The following GDPGP1 variants were observed in gnomAD, a reference collection of about 807,000 sequenced individuals.
The protein encoded by GDPGP1 is GDP-D-glucose phosphorylase 1.
In GDPGP1, 18 loss-of-function variants were observed where a neutral mutation model predicts 19.2. The ratio of observed to expected loss-of-function variants is 0.94; its 90% confidence interval spans 0.65 to 1.39. GDPGP1 has a LOEUF of 1.39. Ranked by LOEUF, GDPGP1 falls within the 40% of genes most tolerant of loss-of-function variation. GDPGP1 has a pLI of 0.00. For missense variants in GDPGP1, 449 were observed against 490.5 expected (o/e 0.92, Z 0.80); for synonymous variants, 219 against 208.9 (o/e 1.05, Z -0.42).
chr15:90,240,174 G>A (rs1195454475), intron 3 of GDPGP1, among the ~76,000 whole-genome samples: 1 of 151,806 alleles, frequency 6.6e-6, no homozygotes, highest in Admixed American at 6.6e-5. Flanking sequence ...AGTGAGCCAA[G>A]ATAGCGCCAT....
chr15:90,234,697 C>T (rs1223909185), intron 2 of GDPGP1, 101 bp downstream of exon 2: 1 of 152,246 alleles, frequency 6.6e-6, no homozygotes, highest in Non-Finnish European at 1.5e-5. Flanking sequence ...CAGTCCAAGG[C>T]ACTTTTAAAG....
intron 2 of GDPGP1, among the ~76,000 whole-genome samples, chr15:90,237,125 A>AT (rs1163713613): frequency 1.3e-5 from 2 of 149,024 alleles, no homozygotes; most frequent in South Asian, 2.1e-4. Context: ...CACCTGGCTA[A>AT]TTTTTTTGTA....
intron 2 of GDPGP1, among the ~76,000 whole-genome samples, chr15:90,237,622 T>C (rs1290257154): frequency 6.6e-6 from 1 of 152,208 alleles, no homozygotes; most frequent in Admixed American, 6.6e-5. Context: ...CTTTTCTTAT[T>C]GATTAATGAC....
intron 2 of GDPGP1, among the ~76,000 whole-genome samples, chr15:90,235,232 G>C (rs1371570268): frequency 6.6e-6 from 1 of 152,126 alleles, no homozygotes; most frequent in Non-Finnish European, 1.5e-5. Flanking sequence ...GCATGTGTTT[G>C]ATAAGACACA....
intron 2 of GDPGP1, among the ~76,000 whole-genome samples, chr15:90,236,532 T>C (rs548615572): frequency 6.6e-6 from 1 of 152,244 alleles, no homozygotes; most frequent in African/African-American, 2.4e-5. Flanking sequence ...ATATTTCTCA[T>C]TGTAAATTAT....
rs1962583238 is a variant in GDPGP1 at position 90,234,234 on chromosome 15, C to A, written c.-200C>A. 3 of 249,448 alleles carry A rather than the reference C, an allele frequency of 1.2e-5. No individual in the cohort carries two copies. Among genetic ancestry groups the A allele is most frequent in the East Asian group, 1.4e-4 (2 of 13,868 alleles). 15.5% of individuals were successfully genotyped at this position (249,448 alleles called of 1,614,324 possible). ...GTATGCGTCACGGGCGTCATGACCTCGCTGTGGCCCCGGCAGCGGCTGCGG... is the reference window on the plus strand; with the variant it reads ...GTATGCGTCACGGGCGTCATGACCTAGCTGTGGCCCCGGCAGCGGCTGCGG... On this transcript the variant is annotated 5_prime_UTR_variant, in exon 1 of 4. The change creates a premature stop within an existing upstream ORF in the 5' untranslated region. Transcript: ENST00000329600.
In GDPGP1 at chr15:90,243,545, C is replaced by G. The variant is rs1476777485; in HGVS notation, c.*1479C>G. The G allele has an allele frequency of 6.6e-6, 1 of 150,762 alleles. No homozygotes were observed. Among genetic ancestry groups the G allele is most frequent in the Non-Finnish European group, 1.5e-5 (1 of 68,084 alleles). The allele number at this position is 150,762 out of a possible 1,614,324, so 9.3% of individuals were successfully genotyped here. ...AATTTTTTGTAGAGATAGGGTCTTG[C>G]TATGTTGCCCGGGTTGCTGTCAAAC... On this transcript the variant is annotated 3_prime_UTR_variant, in exon 4 of 4. Coordinates refer to ENST00000329600, the MANE Select transcript of GDPGP1 (RefSeq NM_001013657.3).
At position 90,241,211 on chromosome 15, in the gene GDPGP1, G is replaced by A. The variant is rs778280419; in HGVS notation, c.303G>A (p.Glu101=). ...GTTTCGTGGCTCAGCTGAATGTGGAGCGTGGTGTGCAGAGGAGGCCCCCGC... is the reference window on the plus strand; with the variant it reads ...GTTTCGTGGCTCAGCTGAATGTGGAACGTGGTGTGCAGAGGAGGCCCCCGC... ...AVGFVAQLNV[E]RGVQRRPPQT... The change falls in exon 4 of 4, where the codon GAG becomes GAA. Residue 101 remains glutamate (E), a synonymous_variant. Transcript: ENST00000329600. The A allele has an allele frequency of 3.1e-5, 50 of 1,614,080 alleles. No individual in the cohort carries two copies. The highest frequency in any genetic ancestry group is 4.1e-5 in the Non-Finnish European group (48 of 1,180,044).
chr15:90,235,526 TAAAAA>T (rs938077807), intron 2 of GDPGP1, among the ~76,000 whole-genome samples: 2 of 150,716 alleles, frequency 1.3e-5, no homozygotes, highest in African/African-American at 4.9e-5. Flanking sequence ...AAAATAAAAA[TAAAAA>T]AAAATAACTA....
At chr15:90,238,914 C>T (rs1167355722) in intron 3 of GDPGP1, among the ~76,000 whole-genome samples, 1 of 152,104 alleles carries the variant, frequency 6.6e-6, no homozygotes, top group Non-Finnish European at 1.5e-5. Context: ...CATAGCAAGG[C>T]TCTGTCTCTA....
Position 90,242,431 on chromosome 15 carries a change from C to CTTT in GDPGP1, c.*394_*396dup, listed in dbSNP as rs71151576. On this transcript the variant is annotated 3_prime_UTR_variant, in exon 4 of 4. Coordinates refer to ENST00000329600, the MANE Select transcript of GDPGP1 (RefSeq NM_001013657.3). ...TGAGCCCCTGGATTCTTTTCTGTTT[C>CTTT]TTTTTTTTTTTTTTTTTTTTTTTTT... is the stretch of plus-strand genomic sequence containing the variant. 401 of 65,456 alleles carry CTTT rather than the reference C, an allele frequency of 6.1e-3. 36 individuals are homozygous for CTTT. The highest frequency in any genetic ancestry group is 8.7e-3 in the South Asian group (18 of 2,066). The allele number at this position is 65,456 out of a possible 1,614,324, so 4.1% of individuals were successfully genotyped here. A position where few individuals can be genotyped will look rare whatever the true frequency, so the allele number is the denominator to read the frequency against.
At chr15:90,235,834 C>T (rs989741270) in intron 2 of GDPGP1, among the ~76,000 whole-genome samples, 1 of 152,042 alleles carries the variant, frequency 6.6e-6, no homozygotes, top group Non-Finnish European at 1.5e-5. Context: ...TCTCAAAGTG[C>T]TGGGATTACA....
rs1260497711 is a variant in GDPGP1, at chr15:90,242,182, G to A, written c.*116G>A. On this transcript the variant is annotated 3_prime_UTR_variant, in exon 4 of 4. Coordinates refer to ENST00000329600, the MANE Select transcript of GDPGP1 (RefSeq NM_001013657.3). ...GGCTCACTGTAGCCTCCACCTCTGG[G>A]GCTGAAGTGATCCTCCCACCTCAGC... 10 of 821,766 alleles carry A rather than the reference G, an allele frequency of 1.2e-5. No individual in the cohort carries two copies. The highest frequency in any genetic ancestry group is 1.7e-5 in the African/African-American group (1 of 57,726). 50.9% of individuals were successfully genotyped at this position (821,766 alleles called of 1,614,324 possible).
Position 90,241,527 on chromosome 15 carries a change from A to C in GDPGP1, c.619A>C (p.Ser207Arg). Residue 207 changes from serine (S) to arginine (R), a missense_variant, in exon 4 of 4, where the codon AGC becomes CGC. Physicochemically the swap from Ser to Arg is moderately radical, Grantham distance 110. Transcript: ENST00000329600. ...CCCGGGCTTCCGTGTCGGCTTCAAC[A>C]GCCTGGGAGGCTTGGCCTCGGTGAA... ...LHPGFRVGFN[S>R]LGGLASVNHL... is the part of the protein sequence containing the mutation. 6.2e-7 allele frequency: 1 copy of C among 1,613,620 alleles called. No homozygotes were observed. The highest frequency in any genetic ancestry group is 2.2e-5 in the East Asian group (1 of 44,884).
Position 90,243,648 on chromosome 15 carries a change from T to TTTTTTG in GDPGP1, c.*1587_*1588insGTTTTT. The TTTTTTG allele has an allele frequency of 2.7e-5, 2 of 74,526 alleles. No individual in the cohort carries two copies. The highest frequency in any genetic ancestry group is 7.9e-5 in the African/African-American group (2 of 25,236). 4.6% of individuals were successfully genotyped at this position (74,526 alleles called of 1,614,324 possible). ...ACCACACCTTGGTGCAGGTTTTTTT[T>TTTTTTG]TTTTTTTTTTTTTTTTTTTTTTGAC... is the stretch of plus-strand genomic sequence containing the variant. On this transcript the variant is annotated 3_prime_UTR_variant, in exon 4 of 4. Transcript: ENST00000329600.
rs779183203 is a variant in GDPGP1 at position 90,241,836 on chromosome 15, C to T, written c.928C>T (p.Arg310Ter). Reference sequence around the variant, plus strand: ...ACCTTCCTCAGCCCTCACAGGGGTCCGAGTAATTCTGTGGGCCCGGAAGTC... The same window carrying T: ...ACCTTCCTCAGCCCTCACAGGGGTCTGAGTAATTCTGTGGGCCCGGAAGTC... The part of the protein sequence containing the change: ...TSPSSALTGV[R>*]VILWARKSSF... Residue 310 changes from arginine to a stop codon, truncating the protein, a stop_gained, in exon 4 of 4, where the codon CGA (arginine) becomes TGA (stop). Transcript: ENST00000329600. LOFTEE classifies it high-confidence loss of function. The T allele has an allele frequency of 9.3e-6, 15 of 1,614,070 alleles. No individual in the cohort carries two copies. The highest frequency in any genetic ancestry group is 5.0e-5 in the Admixed American group (3 of 60,000).
Position 90,241,501 on chromosome 15 carries a change from A to G in GDPGP1, c.593A>G (p.His198Arg). 2 of 1,613,600 alleles carry G rather than the reference A, an allele frequency of 1.2e-6. No homozygotes were observed. The highest frequency in any genetic ancestry group is 1.7e-6 in the Non-Finnish European group (2 of 1,179,994). Residue 198 changes from histidine (H) to arginine (R), a missense_variant, in exon 4 of 4, where the codon CAC becomes CGC. Transcript: ENST00000329600. ...ATTGAGGCTGTGCTGCTGAGCTTAC[A>G]CCCGGGCTTCCGTGTCGGCTTCAAC... Reference protein sequence around the residue: ...AGIEAVLLSLHPGFRVGFNSL... With the variant: ...AGIEAVLLSLRPGFRVGFNSL...
intron 2 of GDPGP1, chr15:90,236,076 T>G (rs1645804733): frequency 6.6e-6 from 1 of 152,182 alleles, no homozygotes; most frequent in Non-Finnish European, 1.5e-5. Context: ...TTCACTCCTG[T>G]TGCCCAGGCT....
Position 90,242,431 on chromosome 15 carries a change from C to CTTTTTTTTTTTTTTTTTTTT in GDPGP1, c.*377_*396dup, listed in dbSNP as rs71151576. On this transcript the variant is annotated 3_prime_UTR_variant, in exon 4 of 4. Transcript: ENST00000329600. ...TGAGCCCCTGGATTCTTTTCTGTTT[C>CTTTTTTTTTTTTTTTTTTTT]TTTTTTTTTTTTTTTTTTTTTTTTT... 1.5e-5 allele frequency: 1 copy of CTTTTTTTTTTTTTTTTTTTT among 65,512 alleles called. No individual in the cohort carries two copies. Among genetic ancestry groups the CTTTTTTTTTTTTTTTTTTTT allele is most frequent in the Non-Finnish European group, 3.1e-5 (1 of 32,780 alleles). 4.1% of individuals were successfully genotyped at this position (65,512 alleles called of 1,614,324 possible). A position where few individuals can be genotyped will look rare whatever the true frequency, so the allele number is the denominator to read the frequency against.
Sources: gnomAD v4.1 joint callset for allele counts (sites outside exome capture counted in the v4.1 genomes callset) on GRCh38, gnomAD v4.1.1 for gene constraint, MANE v1.5 for transcripts, NCBI Gene and HGNC (gene_info 2026-07-23, HGNC 2026-07-21) for gene names.